The following DLG2 variants were observed in gnomAD, a reference collection of about 807,000 sequenced individuals.
DLG2 encodes the protein discs large MAGUK scaffold protein 2.
A neutral mutation model predicts 132.5 loss-of-function variants in DLG2; 45 were observed. The observed-to-expected ratio is 0.34, with a 90% confidence interval of 0.27 to 0.44. The LOEUF (loss-of-function observed/expected upper bound fraction) is 0.44. Among genes scored for constraint, DLG2 ranks in the 20% least tolerant of loss-of-function variants. The pLI, the probability that DLG2 is intolerant of heterozygous loss-of-function variation, is 1.00. For missense variants in DLG2, 1,045 were observed against 1,196.9 expected (o/e 0.87, Z 1.87); for synonymous variants, 424 against 419.6 (o/e 1.01, Z -0.13).
intron 11 of DLG2, among the ~76,000 whole-genome samples, chr11:83,999,757 T>C (rs2094243719): frequency 6.6e-6 from 1 of 152,126 alleles, no homozygotes; most frequent in South Asian, 2.1e-4. Flanking sequence ...CAAATAATGC[T>C]GTTTAAAGTC....
chr11:84,689,245 T>C (rs565671934), intron 6 of DLG2, among the ~76,000 whole-genome samples: 2 of 152,226 alleles, frequency 1.3e-5, no homozygotes, highest in South Asian at 4.1e-4. Context: ...TTTCTGGAGG[T>C]AAAATGCCTA....
chr11:85,279,497 G>T (rs1565259751), intron 4 of DLG2, among the ~76,000 whole-genome samples: 1 of 152,028 alleles, frequency 6.6e-6, no homozygotes, highest in African/African-American at 2.4e-5. Flanking sequence ...GGTAGCTAAA[G>T]CTTATGTATG....
intron 19 of DLG2, among the ~76,000 whole-genome samples, chr11:83,561,027 T>G (rs935995478): frequency 6.6e-6 from 1 of 151,922 alleles, no homozygotes. Context: ...AGAAGGAGAA[T>G]GGGAAGCAGG....
At chr11:83,866,013 C>T (rs1391832686) in intron 16 of DLG2, among the ~76,000 whole-genome samples, 5 of 152,106 alleles carry the variant, frequency 3.3e-5, no homozygotes, top group Non-Finnish European at 7.4e-5. Flanking sequence ...CTTCCATGAC[C>T]TCCCTGACCA....
At chr11:83,752,265 C>T (rs1415423909) in intron 18 of DLG2, among the ~76,000 whole-genome samples, 1 of 148,272 alleles carries the variant, frequency 6.7e-6, no homozygotes, top group Non-Finnish European at 1.5e-5. Context: ...GAGACTCTGT[C>T]TCAAAAGAAA....
At chr11:84,551,168 A>G (rs1386110125) in intron 6 of DLG2, among the ~76,000 whole-genome samples, 1 of 152,218 alleles carries the variant, frequency 6.6e-6, no homozygotes, top group African/African-American at 2.4e-5. Flanking sequence ...TTATTTCACA[A>G]TCAGACACTT....
At chr11:85,499,476 C>T (rs1356847147) in intron 3 of DLG2, among the ~76,000 whole-genome samples, 3 of 152,058 alleles carry the variant, frequency 2.0e-5, no homozygotes, top group Non-Finnish European at 4.4e-5. Flanking sequence ...CAAAAAAAGT[C>T]CAGGACCAGA....
At chr11:84,810,855 G>C (rs1032344103) in intron 6 of DLG2, among the ~76,000 whole-genome samples, 6 of 152,102 alleles carry the variant, frequency 3.9e-5, no homozygotes, top group African/African-American at 1.4e-4. Flanking sequence ...GATTTCATTT[G>C]TATAACATTA....
Position 83,786,739 on chromosome 11 carries a change from T to C in DLG2, c.1776A>G (p.Leu592=). 1 of 1,614,188 alleles carries C rather than the reference T, an allele frequency of 6.2e-7. No individual in the cohort carries two copies. Among genetic ancestry groups the C allele is most frequent in the Non-Finnish European group, 8.5e-7 (1 of 1,180,022 alleles). ...GASHEQAAAA[L]KGAGQTVTII... ...TCGTCACTGTCTGTCCAGCCCCCTT[T>C]AGTGCAGCAGCTGCCTGCTCGTGGG... The change falls in exon 18 of 28, where the codon CTA becomes CTG. Residue 592 remains leucine (L), a synonymous_variant. Transcript: ENST00000376104.
rs2075757417 is a variant in DLG2 at position 83,909,945 on chromosome 11, A to G, written c.1496+20383T>C. Among the ~76,000 whole-genome samples the G allele has an allele frequency of 2.0e-5, 3 of 152,184 alleles. No individual in the cohort carries two copies. The South Asian group carries it at 6.2e-4, about 32-fold the overall frequency. On this transcript the variant is annotated intron_variant, in intron 15 of 27. Transcript: ENST00000376104. ...CTCCATGTCCTGTTCCTGCCCTAGAAAGTGATCCACTGGAGATTCTAATTA... is the reference window on the plus strand; with the variant it reads ...CTCCATGTCCTGTTCCTGCCCTAGAGAGTGATCCACTGGAGATTCTAATTA...
At chr11:85,226,342 C>A (rs550227004) in intron 4 of DLG2, among the ~76,000 whole-genome samples, 2 of 151,702 alleles carry the variant, frequency 1.3e-5, no homozygotes, top group Non-Finnish European at 2.9e-5. Flanking sequence ...TAAGACAAAC[C>A]AGGATGTTGT....
chr11:84,285,510 C>A (rs2097900998), intron 7 of DLG2, among the ~76,000 whole-genome samples: 1 of 152,198 alleles, frequency 6.6e-6, no homozygotes, highest in African/African-American at 2.4e-5. Context: ...CACCTGTTCT[C>A]CAGAATGCTC....
intron 11 of DLG2, 83 bp from the exon 12 acceptor site, chr11:83,980,725 AG>A: frequency 7.4e-7 from 1 of 1,356,574 alleles, no homozygotes; most frequent in South Asian, 1.8e-5. Flanking sequence ...ACATTTTAAC[AG>A]TTTTTAAAAA....
At chr11:84,810,666 C>T (rs1162337588) in intron 6 of DLG2, among the ~76,000 whole-genome samples, 1 of 152,026 alleles carries the variant, frequency 6.6e-6, no homozygotes. Flanking sequence ...GTTTTATTCA[C>T]AATAGCCAAA....
At chr11:84,774,267 C>CA (rs971111330) in intron 6 of DLG2, among the ~76,000 whole-genome samples, 16 of 151,522 alleles carry the variant, frequency 1.1e-4, no homozygotes, top group East Asian at 3.9e-4. Flanking sequence ...CAAAATACTG[C>CA]AAAAAAATAA....
chr11:83,857,450 A>G (rs1399799900), intron 16 of DLG2, among the ~76,000 whole-genome samples: 1 of 152,224 alleles, frequency 6.6e-6, no homozygotes, highest in Non-Finnish European at 1.5e-5. Context: ...ATCCATGAAC[A>G]TGGAATGTTT....
At chr11:84,256,656 A>G (rs1713392790) in intron 7 of DLG2, among the ~76,000 whole-genome samples, 1 of 152,234 alleles carries the variant, frequency 6.6e-6, no homozygotes, top group Admixed American at 6.5e-5. Context: ...GGCTTATCTT[A>G]TCAGCCTTAC....
In DLG2 at chr11:84,059,393, T is replaced by C; in HGVS notation, c.841A>G (p.Ile281Val). The C allele has an allele frequency of 6.2e-7, 1 of 1,613,620 alleles. No individual in the cohort carries two copies. The highest frequency in any genetic ancestry group is 8.5e-7 in the Non-Finnish European group (1 of 1,179,788). ...AVEALKEAGS[I>V]VRLYVRRRRP... Reference sequence around the variant, plus strand: ...CTTCTACGCACATACAGCCGAACGATAGACCCTGCTTCCTTCAGGGCTTCC... The same window carrying C: ...CTTCTACGCACATACAGCCGAACGACAGACCCTGCTTCCTTCAGGGCTTCC... The change falls in exon 11 of 28, where the codon ATC becomes GTC. Residue 281 changes from isoleucine to valine, a missense_variant. Physicochemically the swap from Ile to Val is conservative, Grantham distance 29. Coordinates refer to ENST00000376104, the MANE Select transcript of DLG2 (RefSeq NM_001142699.3).
intron 7 of DLG2, among the ~76,000 whole-genome samples, chr11:84,523,861 CTTA>C (rs555324753): frequency 4.5e-4 from 69 of 152,206 alleles, no homozygotes; most frequent in African/African-American, 1.3e-3. Flanking sequence ...ATTTTTAAAA[CTTA>C]TTATGATTTT....
Sources: allele counts gnomAD v4.1 joint callset (sites outside exome capture counted in the v4.1 genomes callset), GRCh38; gene constraint gnomAD v4.1.1; transcripts MANE v1.5; gene names NCBI Gene and HGNC (gene_info 2026-07-23, HGNC 2026-07-21).